The following CLSTN2 variants were observed in gnomAD, a reference collection of about 807,000 sequenced individuals.
The protein encoded by CLSTN2 is calsyntenin 2.
A neutral mutation model predicts 101.2 loss-of-function variants in CLSTN2; 48 were observed. The ratio of observed to expected loss-of-function variants is 0.47; its 90% CI spans 0.38 to 0.60. The LOEUF is 0.60. Among genes scored for constraint, CLSTN2 ranks in the 20% least tolerant of loss-of-function variants. CLSTN2 has a pLI of 0.00. For missense variants in CLSTN2, 1,160 were observed against 1,238.2 expected (o/e 0.94, Z 0.95); for synonymous variants, 481 against 463.6 (o/e 1.04, Z -0.48).
At chr3:140,454,596 TAAC>T (rs1334495923) in intron 6 of CLSTN2, 1 of 152,228 alleles carries the variant, frequency 6.6e-6, no homozygotes, top group Non-Finnish European at 1.5e-5. Flanking sequence ...TATGCTGTAG[TAAC>T]AACTGACCGC....
chr3:140,169,091 G>C (rs898143865), intron 1 of CLSTN2, among the ~76,000 whole-genome samples: 1 of 151,968 alleles, frequency 6.6e-6, no homozygotes, highest in African/African-American at 2.4e-5. Context: ...GAAAATTAAC[G>C]TCTTAAGTAT....
chr3:140,251,218 C>A (rs1460146477), intron 2 of CLSTN2, among the ~76,000 whole-genome samples: 2 of 152,156 alleles, frequency 1.3e-5, no homozygotes, highest in Non-Finnish European at 2.9e-5. Context: ...CAGATAGTGA[C>A]TTCATTGTTC....
At chr3:140,245,527 T>G (rs558374749) in intron 2 of CLSTN2, among the ~76,000 whole-genome samples, 2 of 152,276 alleles carry the variant, frequency 1.3e-5, no homozygotes, top group African/African-American at 4.8e-5. Flanking sequence ...TTAACCTAGA[T>G]GATGACTAAA....
intron 2 of CLSTN2, among the ~76,000 whole-genome samples, chr3:140,211,398 T>TCACACACACACACACA (rs59994883): frequency 0.25 from 27,619 of 112,204 alleles, 4,685 homozygotes; most frequent in East Asian, 0.57. Flanking sequence ...GCTTGGTAAT[T>TCACACACACACACACA]CACACACACA....
intron 1 of CLSTN2, among the ~76,000 whole-genome samples, chr3:140,149,487 C>G (rs2009829716): frequency 6.6e-6 from 1 of 151,726 alleles, no homozygotes; most frequent in African/African-American, 2.4e-5. Flanking sequence ...GATGGAGTCT[C>G]ACTCTGTCAC....
intron 1 of CLSTN2, among the ~76,000 whole-genome samples, chr3:139,977,691 T>C (rs1481942901): frequency 1.1e-5 from 1 of 93,360 alleles, no homozygotes; most frequent in Non-Finnish European, 2.1e-5. Flanking sequence ...GCCTGGAGGC[T>C]GGTGGGGCTG....
intron 1 of CLSTN2, among the ~76,000 whole-genome samples, chr3:140,171,757 A>ATATATAATATATAATATGTAT (rs1380772813): frequency 2.3e-5 from 2 of 85,322 alleles, no homozygotes; most frequent in Non-Finnish European, 4.7e-5. Flanking sequence ...AATATGTATA[A>ATATATAATATATAATATGTAT]TATATAATAT....
chr3:140,121,104 T>C (rs2009332889), intron 1 of CLSTN2, among the ~76,000 whole-genome samples: 1 of 152,132 alleles, frequency 6.6e-6, no homozygotes, highest in Non-Finnish European at 1.5e-5. Flanking sequence ...CCACAAGAAG[T>C]AGTGCGGTGT....
chr3:140,527,304 T>G (rs1218353220), intron 8 of CLSTN2, among the ~76,000 whole-genome samples: 1 of 152,000 alleles, frequency 6.6e-6, no homozygotes, highest in Non-Finnish European at 1.5e-5. Flanking sequence ...GATGTAAAAT[T>G]GGCCAACAAA....
At chr3:140,484,408 A>G (rs1934194787) in intron 8 of CLSTN2, among the ~76,000 whole-genome samples, 1 of 151,752 alleles carries the variant, frequency 6.6e-6, no homozygotes, top group African/African-American at 2.4e-5. Context: ...TTTTTCCTTC[A>G]TTTCAACTTT....
In CLSTN2 at chr3:140,222,249, TAGTA is replaced by T. The variant is rs564859006; in HGVS notation, c.232+46179_232+46182del. 1.8e-4 allele frequency among the ~76,000 whole-genome samples: 27 copies of T among 152,262 alleles called. 1 individual carries two copies. The East Asian group carries it at 5.2e-3, about 29-fold the overall frequency. ...ACAAACATTGCATGTTCTCACTTAT[TAGTA>T]AGAGCTAAAAATTAAAAGAACTCAT... is the stretch of plus-strand genomic sequence containing the variant. On this transcript the variant is annotated intron_variant, in intron 2 of 16. Coordinates refer to ENST00000458420, the MANE Select transcript of CLSTN2 (RefSeq NM_022131.3).
chr3:140,319,075 T>G (rs891614173), intron 2 of CLSTN2, among the ~76,000 whole-genome samples: 16 of 152,214 alleles, frequency 1.1e-4, no homozygotes, highest in African/African-American at 3.6e-4. Flanking sequence ...TTTGGGCAAA[T>G]TAACTACTCT....
chr3:140,483,990 T>C (rs1239603296), intron 8 of CLSTN2, among the ~76,000 whole-genome samples: 1 of 152,218 alleles, frequency 6.6e-6, no homozygotes, highest in Non-Finnish European at 1.5e-5. Flanking sequence ...TATGTGTGAA[T>C]TTGATCCTGT....
chr3:139,961,876 A>G (rs1230488015), intron 1 of CLSTN2, among the ~76,000 whole-genome samples: 1 of 152,186 alleles, frequency 6.6e-6, no homozygotes, highest in East Asian at 1.9e-4. Flanking sequence ...ATATTTTTAC[A>G]TAATTTAGTT....
intron 2 of CLSTN2, among the ~76,000 whole-genome samples, chr3:140,402,602 T>A (rs1410181874): frequency 6.6e-6 from 1 of 152,066 alleles, no homozygotes; most frequent in Non-Finnish European, 1.5e-5. Context: ...GGCAAGAAGG[T>A]GCCTGGGTTA....
At chr3:140,483,004 T>C (rs1264881308) in intron 8 of CLSTN2, among the ~76,000 whole-genome samples, 3 of 152,218 alleles carry the variant, frequency 2.0e-5, no homozygotes, top group African/African-American at 7.2e-5. Flanking sequence ...GTGTTTACTC[T>C]TGCTTCTCCA....
rs186289920 is a variant in CLSTN2, at chr3:140,526,972, T to C, written c.1345-5352T>C. On this transcript the variant is annotated intron_variant, in intron 8 of 16. Transcript: ENST00000458420. ...AAAGATTTAAATATAAAACCCCAAT[T>C]ATAAAAATCCTAGAAGAAAACCTAA... Among the ~76,000 whole-genome samples, 10 of 152,202 alleles carry C rather than the reference T, an allele frequency of 6.6e-5. No homozygotes were observed. The East Asian group carries it at 1.7e-3, about 26-fold the overall frequency.
intron 8 of CLSTN2, among the ~76,000 whole-genome samples, chr3:140,494,562 C>G (rs1934423186): frequency 6.6e-6 from 1 of 152,188 alleles, no homozygotes; most frequent in African/African-American, 2.4e-5. Flanking sequence ...ATCCCATCAC[C>G]TAGGTATTAA....
intron 8 of CLSTN2, among the ~76,000 whole-genome samples, chr3:140,471,926 C>T (rs1426824863): frequency 6.6e-6 from 1 of 152,210 alleles, no homozygotes; most frequent in Non-Finnish European, 1.5e-5. Context: ...CCTTTACTCT[C>T]TGGTCTCTGG....
Sources: gnomAD v4.1 joint callset for allele counts (sites outside exome capture counted in the v4.1 genomes callset) on GRCh38, gnomAD v4.1.1 for gene constraint, MANE v1.5 for transcripts, NCBI Gene and HGNC (gene_info 2026-07-23, HGNC 2026-07-21) for gene names.